The following WNT2B variants were observed in gnomAD, a reference collection of about 807,000 sequenced individuals.
WNT2B encodes the protein Wnt family member 2B.
A neutral mutation model predicts 40.5 loss-of-function variants in WNT2B; 19 were observed. That is an observed-to-expected ratio of 0.47 (90% confidence interval 0.33 to 0.69). WNT2B has a LOEUF of 0.69. Among genes scored for constraint, WNT2B ranks in the 30% least tolerant of loss-of-function variants. WNT2B has a pLI of 0.02. For synonymous variants in WNT2B, 220 were observed against 211.9 expected (o/e 1.04, Z -0.33); for missense variants, 467 against 556.4 (o/e 0.84, Z 1.62).
intron 1 of WNT2B, among the ~76,000 whole-genome samples, chr1:112,479,059 A>G (rs879556380): frequency 3.3e-5 from 5 of 151,868 alleles, no homozygotes; most frequent in Admixed American, 6.6e-5. Context: ...TGTCTCTACT[A>G]AAAATACAAA....
chr1:112,474,610 A>T (rs1651001028), intron 1 of WNT2B, among the ~76,000 whole-genome samples: 1 of 152,208 alleles, frequency 6.6e-6, no homozygotes, highest in Non-Finnish European at 1.5e-5. Flanking sequence ...CTAGAATTCT[A>T]AACCCAGTGA....
intron 1 of WNT2B, among the ~76,000 whole-genome samples, chr1:112,476,560 C>T (rs6692731): frequency 0.031 from 4,728 of 152,170 alleles, 271 homozygotes; most frequent in African/African-American, 0.11. Context: ...AGAAAGTATC[C>T]TACCTACTCC....
intron 4 of WNT2B, among the ~76,000 whole-genome samples, chr1:112,519,212 A>C (rs1403119806): frequency 6.6e-6 from 1 of 152,220 alleles, no homozygotes; most frequent in Non-Finnish European, 1.5e-5. Flanking sequence ...CAATTTGAGC[A>C]TATATCTCCA....
chr1:112,471,718 A>G (rs1384725296), intron 1 of WNT2B, among the ~76,000 whole-genome samples: 1 of 152,222 alleles, frequency 6.6e-6, no homozygotes, highest in East Asian at 1.9e-4. Flanking sequence ...CTAGGAATAT[A>G]CCCTGTAGTA....
intron 1 of WNT2B, among the ~76,000 whole-genome samples, chr1:112,512,601 AG>A (rs1214019350): frequency 1.2e-4 from 19 of 152,346 alleles, no homozygotes; most frequent in African/African-American, 4.1e-4. Context: ...AAGGAAGTGA[AG>A]AACTTCCAGA....
At chr1:112,476,698 T>C (rs921257133) in intron 1 of WNT2B, among the ~76,000 whole-genome samples, 3 of 152,166 alleles carry the variant, frequency 2.0e-5, no homozygotes, top group African/African-American at 7.2e-5. Flanking sequence ...AATGCAAACA[T>C]TGACCACTTT....
At chr1:112,471,074 G>A (rs1313189379) in intron 1 of WNT2B, among the ~76,000 whole-genome samples, 1 of 152,186 alleles carries the variant, frequency 6.6e-6, no homozygotes, top group Non-Finnish European at 1.5e-5. Context: ...GACACTAAGG[G>A]ACATCAGTGG....
rs1456053827 is a variant in WNT2B at position 112,529,338 on chromosome 1, T to C, written c.*8829T>C. On this transcript the variant is annotated 3_prime_UTR_variant, in exon 5 of 5. Coordinates refer to ENST00000369684, the MANE Select transcript of WNT2B (RefSeq NM_024494.3). ...TCTCTTCCCTCCCCTAGGTAGTTTA[T>C]AAAGGGTGATTTCTGAAACCCTTCA... is the stretch of plus-strand genomic sequence containing the variant. 1 of 152,190 alleles carries C rather than the reference T, an allele frequency of 6.6e-6. No homozygotes were observed. Among genetic ancestry groups the C allele is most frequent in the African/African-American group, 2.4e-5 (1 of 41,450 alleles). The allele number at this position is 152,190 out of a possible 1,614,324, so 9.4% of individuals were successfully genotyped here. A position where few individuals can be genotyped will look rare whatever the true frequency, so the allele number is the denominator to read the frequency against.
chr1:112,516,773 G>A (rs1652568274), intron 3 of WNT2B, among the ~76,000 whole-genome samples: 1 of 152,208 alleles, frequency 6.6e-6, no homozygotes, highest in Non-Finnish European at 1.5e-5. Flanking sequence ...GCTGGAAAAT[G>A]GCACACCACT....
chr1:112,499,428 T>A (rs181320881), intron 1 of WNT2B, among the ~76,000 whole-genome samples: 1 of 152,172 alleles, frequency 6.6e-6, no homozygotes, highest in Non-Finnish European at 1.5e-5. Flanking sequence ...TCAAGTCCAA[T>A]AATGTATAAA....
rs1653695450 is a variant in WNT2B at position 112,527,758 on chromosome 1, G to A, written c.*7249G>A. On this transcript the variant is annotated 3_prime_UTR_variant, in exon 5 of 5. Coordinates refer to ENST00000369684, the MANE Select transcript of WNT2B (RefSeq NM_024494.3). ...AGAATGCAGAGATTGTCAAGCTAGA[G>A]GGTTAACTCCTTCCCAATTGTAGGG... The A allele has an allele frequency of 6.6e-6, 1 of 152,318 alleles. No homozygotes were observed. The highest frequency in any genetic ancestry group is 1.5e-5 in the Non-Finnish European group (1 of 68,042). 9.4% of individuals were successfully genotyped at this position (152,318 alleles called of 1,614,324 possible).
exon 1 of WNT2B, chr1:112,467,364 C>T: frequency 1.7e-6 from 1 of 583,876 alleles, no homozygotes; most frequent in Non-Finnish European, 3.1e-6. Context: ...GCACATTTAC[C>T]AAGAAGCTAA....
At position 112,521,076 on chromosome 1, in the gene WNT2B, TA is replaced by T; in HGVS notation, c.*570del. ...TTCCATTCACATGCTCATATGTTTATAAACTGTGTTTTGTAGAAGAAAAAGA... is the reference window on the plus strand; with the variant it reads ...TTCCATTCACATGCTCATATGTTTATAACTGTGTTTTGTAGAAGAAAAAGA... On this transcript the variant is annotated 3_prime_UTR_variant, in exon 5 of 5. Transcript: ENST00000369684. 1 of 153,982 alleles carries T rather than the reference TA, an allele frequency of 6.5e-6. No homozygotes were observed. The allele number at this position is 153,982 out of a possible 1,614,324, so 9.5% of individuals were successfully genotyped here. A position where few individuals can be genotyped will look rare whatever the true frequency, so the allele number is the denominator to read the frequency against.
intron 1 of WNT2B, among the ~76,000 whole-genome samples, chr1:112,482,090 G>T (rs1375169213): frequency 6.6e-6 from 1 of 150,814 alleles, no homozygotes; most frequent in East Asian, 2.0e-4. Context: ...AGGTTGCAGT[G>T]AGTTGAGATT....
intron 1 of WNT2B, among the ~76,000 whole-genome samples, chr1:112,488,397 T>A (rs527855371): frequency 1.3e-5 from 2 of 151,244 alleles, no homozygotes; most frequent in Admixed American, 6.6e-5. Flanking sequence ...CTGAGTCACA[T>A]GACAGGCAGT....
In WNT2B at chr1:112,509,219, GT is replaced by G. The variant is rs1243787896; in HGVS notation, c.-43del. 2 of 1,470,934 alleles carry G rather than the reference GT, an allele frequency of 1.4e-6. No individual in the cohort carries two copies. Among genetic ancestry groups the G allele is most frequent in the South Asian group, 2.7e-5 (2 of 73,812 alleles). 91.1% of individuals were successfully genotyped at this position (1,470,934 alleles called of 1,614,324 possible). On this transcript the variant is annotated 5_prime_UTR_variant, in exon 1 of 5. Transcript: ENST00000369684. The surrounding 1 kb of genome is among the most constrained non-coding windows in gnomAD (Gnocchi z 4.2). ...CCTGAGTACCCCCAGAAGGTGCCCCGTCCACGCCCCTCCGGGCTGCGCGGCG... is the reference window on the plus strand; with the variant it reads ...CCTGAGTACCCCCAGAAGGTGCCCCGCCACGCCCCTCCGGGCTGCGCGGCG...
intron 1 of WNT2B, among the ~76,000 whole-genome samples, chr1:112,487,637 CAAA>C (rs1318918797): frequency 6.6e-6 from 1 of 152,008 alleles, no homozygotes; most frequent in African/African-American, 2.4e-5. Flanking sequence ...ATAAGTAATT[CAAA>C]ATCTAAGCTG....
At chr1:112,506,556 G>A (rs1467104608), upstream of WNT2B, among the ~76,000 whole-genome samples, 12 of 152,208 alleles carry the variant, frequency 7.9e-5, no homozygotes, top group Admixed American at 7.8e-4. Context: ...ACACAGGGGA[G>A]TCTGGGAGAG....
Position 112,509,412 on chromosome 1 carries a change from G to A in WNT2B, c.150G>A (p.Leu50=), listed in dbSNP as rs1263973899. The A allele has an allele frequency of 1.0e-5, 16 of 1,594,620 alleles. No individual in the cohort carries two copies. Among genetic ancestry groups the A allele is most frequent in the South Asian group, 8.9e-5 (8 of 89,974 alleles). Reference sequence around the variant, plus strand: ...CCTGCCTTCTGCTCCTGCTGCTGCTGACGCTGCCGGCCCGCGTAGACACGT... The same window carrying A: ...CCTGCCTTCTGCTCCTGCTGCTGCTAACGCTGCCGGCCCGCGTAGACACGT... ...GLACLLLLLL[L]TLPARVDTSW... The change falls in exon 1 of 5, where the codon CTG becomes CTA. Residue 50 remains leucine, a synonymous_variant. Coordinates refer to ENST00000369684, the MANE Select transcript of WNT2B (RefSeq NM_024494.3). The surrounding 1 kb of genome is among the most constrained non-coding windows in gnomAD (Gnocchi z 4.2).
Sources: allele counts gnomAD v4.1 joint callset (sites outside exome capture counted in the v4.1 genomes callset), GRCh38; gene constraint gnomAD v4.1.1; non-coding constraint Gnocchi (gnomAD v3.1); transcripts MANE v1.5; gene names NCBI Gene and HGNC (gene_info 2026-07-23, HGNC 2026-07-21).